The following CCDC175 variants were observed in gnomAD, a reference collection of about 807,000 sequenced individuals.
CCDC175 encodes coiled-coil domain containing 175.
In CCDC175, 100 loss-of-function variants were observed where a neutral mutation model predicts 114.6. That is an observed-to-expected ratio of 0.87 (90% CI 0.74 to 1.03). The LOEUF (loss-of-function observed/expected upper bound fraction) is 1.03, where lower values mean the gene tolerates loss of function less well. Ranked by LOEUF, CCDC175 falls within the 50% of genes least tolerant of loss-of-function variation. The probability of loss-of-function intolerance (pLI) is 0.00; values close to 1 mark genes in which losing one functional copy is unlikely to be tolerated. For missense variants in CCDC175, 880 were observed against 917.8 expected (o/e 0.96, Z 0.53); for synonymous variants, 306 against 308.7 (o/e 0.99, Z 0.09).
intron 5 of CCDC175, among the ~76,000 whole-genome samples, chr14:59,564,746 G>A (rs1896423747): frequency 6.6e-6 from 1 of 152,208 alleles, no homozygotes; most frequent in African/African-American, 2.4e-5. Context: ...AAAGGCAACT[G>A]GATAAGATGG....
intron 7 of CCDC175, among the ~76,000 whole-genome samples, chr14:59,559,139 A>G (rs2140099131): frequency 6.6e-6 from 1 of 152,218 alleles, no homozygotes; most frequent in South Asian, 2.1e-4. Flanking sequence ...AGTCTCCATA[A>G]CCTCATACAC....
intron 7 of CCDC175, among the ~76,000 whole-genome samples, chr14:59,556,472 A>G (rs1168475873): frequency 6.6e-6 from 1 of 152,230 alleles, no homozygotes; most frequent in Non-Finnish European, 1.5e-5. Flanking sequence ...AAGATGGATT[A>G]AAGACTTAAG....
intron 3 of CCDC175, among the ~76,000 whole-genome samples, chr14:59,571,163 A>G (rs1896826139): frequency 1.3e-5 from 2 of 152,042 alleles, no homozygotes; most frequent in Admixed American, 1.3e-4. Context: ...AAAAAAAAAA[A>G]AAAAGAGATC....
At chr14:59,512,360 C>T (rs543897414) in intron 17 of CCDC175, among the ~76,000 whole-genome samples, 2 of 152,298 alleles carry the variant, frequency 1.3e-5, no homozygotes, top group Admixed American at 6.5e-5. Context: ...ACTCTGTGCC[C>T]GCATGACTGA....
intron 7 of CCDC175, among the ~76,000 whole-genome samples, chr14:59,554,774 T>C (rs1428142290): frequency 6.6e-6 from 1 of 152,120 alleles, no homozygotes; most frequent in Admixed American, 6.5e-5. Flanking sequence ...GAAAAAATGA[T>C]AACTGGGATA....
intron 17 of CCDC175, among the ~76,000 whole-genome samples, chr14:59,516,544 T>C (rs142818596): frequency 0.018 from 2,690 of 152,332 alleles, 34 homozygotes; most frequent in Non-Finnish European, 0.029. Flanking sequence ...TAAACATCTC[T>C]ATGCAAATAA....
Position 59,521,633 on chromosome 14 carries a change from C to A in CCDC175, c.2039G>T (p.Gly680Val). 1.0e-5 allele frequency: 16 copies of A among 1,535,028 alleles called. No homozygotes were observed. The highest frequency in any genetic ancestry group is 1.4e-5 in the Non-Finnish European group (16 of 1,144,892). The change falls in exon 17 of 20, where the codon GGA (glycine) becomes GTA (valine). Residue 680 changes from glycine to valine, a missense_variant. By Grantham distance (109) the Gly-to-Val change is moderately radical (BLOSUM62 -3). Transcript: ENST00000537690. ...LKNNIEKYRE[G>V]QEALMHTSSD... is the part of the protein sequence containing the mutation. ...TGAGGTGTGCATGAGGGCTTCTTGT[C>A]CTTCTCTGTATTTCTCTATGTTATT... is the stretch of plus-strand genomic sequence containing the variant.
intron 13 of CCDC175, among the ~76,000 whole-genome samples, chr14:59,535,836 G>A (rs1894361020): frequency 6.6e-6 from 1 of 152,218 alleles, no homozygotes; most frequent in African/African-American, 2.4e-5. Flanking sequence ...TGTGAGGAAT[G>A]TGTTTAGCTC....
At chr14:59,521,552 C>G in intron 17 of CCDC175, 22 bp downstream of exon 17, 35 of 1,360,362 alleles carry the variant, frequency 2.6e-5, no homozygotes, top group Non-Finnish European at 3.4e-5. Context: ...CTGACTAATA[C>G]AAGCACCCAC....
intron 13 of CCDC175, among the ~76,000 whole-genome samples, chr14:59,535,888 C>G (rs1282956474): frequency 2.0e-5 from 3 of 149,436 alleles, no homozygotes; most frequent in Non-Finnish European, 4.4e-5. Context: ...GCTCAGCTAT[C>G]TAGCCAATAT....
chr14:59,541,009 T>G (rs1894752104), intron 10 of CCDC175, among the ~76,000 whole-genome samples: 1 of 152,178 alleles, frequency 6.6e-6, no homozygotes, highest in African/African-American at 2.4e-5. Context: ...GAAGGGTTAC[T>G]AGAGGTTAAT....
intron 7 of CCDC175, among the ~76,000 whole-genome samples, chr14:59,556,067 T>C (rs1224104067): frequency 6.6e-6 from 1 of 152,116 alleles, no homozygotes; most frequent in Admixed American, 6.5e-5. Flanking sequence ...TTCAATGCCA[T>C]CCCCATTAAG....
intron 13 of CCDC175, among the ~76,000 whole-genome samples, 200 bp from the exon 14 acceptor site, chr14:59,532,110 C>G (rs1894107861): frequency 1.3e-5 from 2 of 152,148 alleles, no homozygotes; most frequent in Admixed American, 1.3e-4. Context: ...TGACAATCCA[C>G]AAAGTAAGGA....
Position 59,540,648 on chromosome 14 carries a change from CTTTTTTTTTTTT to C in CCDC175, c.1355+15_1355+26del. ...GCTGATAACACAAAACACAAATAAA[CTTTTTTTTTTTT>C]TTTTTTTTTTTTACCATCTCTGACT... is the stretch of plus-strand genomic sequence containing the variant. On this transcript the variant is annotated intron_variant, in intron 11 of 19. Coordinates refer to ENST00000537690, the MANE Select transcript of CCDC175 (RefSeq NM_001164399.2). The C allele has an allele frequency of 9.1e-7, 1 of 1,100,382 alleles. No homozygotes were observed. The highest frequency in any genetic ancestry group is 1.2e-6 in the Non-Finnish European group (1 of 835,330). The allele number at this position is 1,100,382 out of a possible 1,614,324, so 68.2% of individuals were successfully genotyped here.
chr14:59,543,421 T>G lies in CCDC175; in HGVS notation c.1206A>C (p.Lys402Asn). Residue 402 changes from lysine to asparagine, a missense_variant, in exon 10 of 20, where the codon AAA becomes AAC. By Grantham distance (94) the Lys-to-Asn change is moderately conservative (BLOSUM62 0). Coordinates refer to ENST00000537690, the MANE Select transcript of CCDC175 (RefSeq NM_001164399.2). ...CTCTCTTTTGTGACAGAAAGTATTCTTTCTGAGAAATAAATGTCAGCTGTT... is the reference window on the plus strand; with the variant it reads ...CTCTCTTTTGTGACAGAAAGTATTCGTTCTGAGAAATAAATGTCAGCTGTT... ...NQKQLTFISQ[K>N]EYFLSQKRVD... The G allele has an allele frequency of 6.8e-7, 1 of 1,462,078 alleles. No individual in the cohort carries two copies. The highest frequency in any genetic ancestry group is 9.1e-7 in the Non-Finnish European group (1 of 1,098,914). 90.6% of individuals were successfully genotyped at this position (1,462,078 alleles called of 1,614,324 possible). A position where few individuals can be genotyped will look rare whatever the true frequency, so the allele number is the denominator to read the frequency against.
rs375601240 is a variant in CCDC175, at chr14:59,511,887, T to G, written c.2099-84A>C. On this transcript the variant is annotated intron_variant, in intron 17 of 19. Transcript: ENST00000537690. ...AAGTCGTGTTATTCATTTTTGTTTT[T>G]TCAAAAATTATTTTTATCTAAAAAT... 1,057 of 1,046,598 alleles carry G rather than the reference T, an allele frequency of 1.0e-3. 5 individuals are homozygous for G. Among genetic ancestry groups the G allele is most frequent in the South Asian group, 1.9e-3 (130 of 66,894 alleles). 64.8% of individuals were successfully genotyped at this position (1,046,598 alleles called of 1,614,324 possible). A position where few individuals can be genotyped will look rare whatever the true frequency, so the allele number is the denominator to read the frequency against.
chr14:59,533,803 A>G (rs939935389), intron 13 of CCDC175, among the ~76,000 whole-genome samples: 7 of 151,906 alleles, frequency 4.6e-5, no homozygotes, highest in Admixed American at 3.3e-4. Flanking sequence ...CCTGGCTAAC[A>G]TGGTGAAACC....
intron 7 of CCDC175, among the ~76,000 whole-genome samples, chr14:59,553,689 G>A (rs1446961258): frequency 2.0e-5 from 3 of 152,090 alleles, no homozygotes; most frequent in Non-Finnish European, 4.4e-5. Context: ...AAAAAGTCAA[G>A]ACCCATCAGT....
chr14:59,526,017 T>C (rs1210926024), intron 15 of CCDC175, among the ~76,000 whole-genome samples: 1 of 152,108 alleles, frequency 6.6e-6, no homozygotes, highest in African/African-American at 2.4e-5. Context: ...ATATAAACAA[T>C]TGTCCAGCAA....
Sources: gnomAD v4.1 joint callset for allele counts (sites outside exome capture counted in the v4.1 genomes callset) on GRCh38, gnomAD v4.1.1 for gene constraint, MANE v1.5 for transcripts, NCBI Gene and HGNC (gene_info 2026-07-23, HGNC 2026-07-21) for gene names.